The following GPC1 variants were observed in gnomAD, a reference collection of about 807,000 sequenced individuals.
GPC1 encodes the protein glypican 1.
In GPC1, 26 loss-of-function variants were observed where a neutral mutation model predicts 51.5. That is an observed-to-expected ratio of 0.50 (90% CI 0.37 to 0.70). GPC1 has a LOEUF of 0.70. Ranked by LOEUF, GPC1 falls within the 30% of genes least tolerant of loss-of-function variation. The pLI is 0.00. For missense variants in GPC1, 775 were observed against 800.5 expected, an observed-to-expected ratio of 0.97 and a Z score of 0.38; for synonymous variants, 380 against 348.3, an observed-to-expected ratio of 1.09 and a Z score of -1.01.
At chr2:240,439,581 C>T (rs892940223) in intron 1 of GPC1, among the ~76,000 whole-genome samples, 3 of 152,200 alleles carry the variant, frequency 2.0e-5, no homozygotes, top group Middle Eastern at 3.2e-3. Context: ...CACTTTTGAC[C>T]GCCTGGGTGG....
At chr2:240,454,994 AG>A in intron 1 of GPC1, 1 of 219,978 alleles carries the variant, frequency 4.5e-6, no homozygotes, top group Non-Finnish European at 1.0e-5. Context: ...ACATGTCAGC[AG>A]GGGACGAGAA....
Position 240,449,598 on chromosome 2 carries a change from C to T in GPC1, c.167-9432C>T, listed in dbSNP as rs575601032. On this transcript the variant is annotated intron_variant, in intron 1 of 8. Coordinates refer to ENST00000264039, the MANE Select transcript of GPC1 (RefSeq NM_002081.3). ...TAACCATTTTCAAGAGTTCAGTTTT[C>T]AGTGGCGTTCAGTCCATTCATGCTG... 7 of 245,888 alleles carry T rather than the reference C, an allele frequency of 2.8e-5. No individual in the cohort carries two copies. The South Asian group carries it at 3.5e-4, about 12-fold the overall frequency. The allele number at this position is 245,888 out of a possible 1,614,324, so 15.2% of individuals were successfully genotyped here.
At chr2:240,466,009 T>C (rs2074258085) in intron 8 of GPC1, 49 bp from the exon 9 acceptor site, 2 of 1,200,422 alleles carry the variant, frequency 1.7e-6, no homozygotes, top group African/African-American at 3.0e-5. Context: ...GGTGCTGCAC[T>C]GGGGTCTCCT....
chr2:240,465,159 C>G lies in GPC1; in HGVS notation c.1217C>G (p.Ala406Gly). The G allele has an allele frequency of 6.2e-7, 1 of 1,612,274 alleles. No homozygotes were observed. The highest frequency in any genetic ancestry group is 8.5e-7 in the Non-Finnish European group (1 of 1,179,694). ...GGGACACTGTGCAGTGAGAAGATGG[C>G]CCTGAGCACTGCCAGTGATGACCGC... ...LPGTLCSEKMALSTASDDRCW... is the reference protein window; with the variant it reads ...LPGTLCSEKMGLSTASDDRCW... Residue 406 changes from alanine to glycine, a missense_variant, in exon 7 of 9, where the codon GCC becomes GGC. Ala to Gly is a moderately conservative substitution (Grantham distance 60, BLOSUM62 0). Transcript: ENST00000264039.
chr2:240,440,365 C>T (rs565971288), intron 1 of GPC1, among the ~76,000 whole-genome samples: 1 of 152,302 alleles, frequency 6.6e-6, no homozygotes, highest in African/African-American at 2.4e-5. Flanking sequence ...GTGAAGCGCT[C>T]CTCTTAGGGC....
rs1230341204 is a variant in GPC1 at position 240,435,706 on chromosome 2, G to C, written c.-213G>C. On this transcript the variant is annotated 5_prime_UTR_variant, in exon 1 of 9. Transcript: ENST00000264039. ...TAGCCCGCCGCGCTCTGGGCTGCCC[G>C]AGCGAGCGTTCGGACCTCGCACCCC... The C allele has an allele frequency of 4.7e-6, 1 of 213,688 alleles. No individual in the cohort carries two copies. Among genetic ancestry groups the C allele is most frequent in the Non-Finnish European group, 9.0e-6 (1 of 111,022 alleles). 13.2% of individuals were successfully genotyped at this position (213,688 alleles called of 1,614,324 possible).
intron 1 of GPC1, chr2:240,458,330 G>T (rs748004433): frequency 2.2e-5 from 6 of 274,290 alleles, no homozygotes; most frequent in Non-Finnish European, 4.5e-5. Flanking sequence ...TGGCAGTGCC[G>T]CTGTCACTGC....
chr2:240,453,005 AGCC>A (rs951479517), intron 1 of GPC1: 3 of 351,086 alleles, frequency 8.5e-6, no homozygotes, highest in Non-Finnish European at 1.7e-5. Flanking sequence ...GAGCCGCTGG[AGCC>A]GCCGCTGCGA....
intron 1 of GPC1, among the ~76,000 whole-genome samples, chr2:240,444,776 G>A (rs1039958418): frequency 6.6e-6 from 1 of 152,188 alleles, no homozygotes; most frequent in African/African-American, 2.4e-5. Context: ...CCCGTGTCTG[G>A]CGCATCCTTG....
At chr2:240,446,781 G>C (rs900509948) in intron 1 of GPC1, among the ~76,000 whole-genome samples, 4 of 152,200 alleles carry the variant, frequency 2.6e-5, no homozygotes, top group Admixed American at 6.5e-5. Flanking sequence ...CCAGAGAGGA[G>C]ACTTGGGGAG....
At chr2:240,459,575 G>A (rs1327229075) in intron 2 of GPC1, among the ~76,000 whole-genome samples, 1 of 152,196 alleles carries the variant, frequency 6.6e-6, no homozygotes, top group Non-Finnish European at 1.5e-5. Flanking sequence ...TGCCCCTGGG[G>A]ACCAGGTGGC....
In GPC1 at chr2:240,463,652, G is replaced by A. The variant is rs932837121; in HGVS notation, c.883+140G>A. On this transcript the variant is annotated intron_variant, in intron 4 of 8. Coordinates refer to ENST00000264039, the MANE Select transcript of GPC1 (RefSeq NM_002081.3). ...ATGCCCTGACCCGGGCCAGATCTGGGTGGTGCTGCAGGGTTGAGGGGCCAG... is the reference window on the plus strand; with the variant it reads ...ATGCCCTGACCCGGGCCAGATCTGGATGGTGCTGCAGGGTTGAGGGGCCAG... 2.9e-5 allele frequency: 20 copies of A among 696,550 alleles called. No individual in the cohort carries two copies. The African/African-American group carries it at 3.0e-4, about 11-fold the overall frequency. 43.1% of individuals were successfully genotyped at this position (696,550 alleles called of 1,614,324 possible).
chr2:240,436,332 C>T lies in GPC1; in HGVS notation c.166+248C>T, dbSNP rs527622006. Among the ~76,000 whole-genome samples the T allele has an allele frequency of 2.1e-4, 32 of 152,168 alleles. 1 individual carries two copies. The South Asian group carries it at 6.6e-3, about 31-fold the overall frequency. On this transcript the variant is annotated intron_variant, in intron 1 of 8. Transcript: ENST00000264039. ...CTCGGTCGTCCTCCGCCCCTCCCCGCCCCCCGCACGCCGGCTTCTTCCCTG... is the reference window on the plus strand; with the variant it reads ...CTCGGTCGTCCTCCGCCCCTCCCCGTCCCCCGCACGCCGGCTTCTTCCCTG...
At chr2:240,462,676 CCTGGGCCT>C in intron 3 of GPC1, 94 bp downstream of exon 3, 1 of 1,228,142 alleles carries the variant, frequency 8.1e-7, no homozygotes, top group Non-Finnish European at 1.1e-6. Context: ...ACCCTGTGCC[CCTGGGCCT>C]CTGGGCCAGC....
intron 1 of GPC1, chr2:240,455,936 A>G (rs12695019): frequency 0.46 from 169,683 of 372,462 alleles, 40,893 homozygotes; most frequent in Middle Eastern, 0.59. Context: ...GGCCGCCTCG[A>G]TCCAGCCTGC....
chr2:240,451,313 T>C (rs1450318787), intron 1 of GPC1: 2 of 467,354 alleles, frequency 4.3e-6, no homozygotes, highest in East Asian at 1.4e-4. Flanking sequence ...CGTCCCCTTC[T>C]GCGTTTCTAG....
chr2:240,455,989 G>T, intron 1 of GPC1: 1 of 425,514 alleles, frequency 2.4e-6, no homozygotes. Flanking sequence ...CCAGCCTGCC[G>T]GGGGCTCCCA....
At chr2:240,449,831 C>G (rs2074081133) in intron 1 of GPC1, 1 of 469,880 alleles carries the variant, frequency 2.1e-6, no homozygotes, top group Non-Finnish European at 4.4e-6. Context: ...TGGCTTCTTT[C>G]ACTCAGCGTC....
chr2:240,465,883 G>T (rs1295755274), intron 8 of GPC1, among the ~76,000 whole-genome samples, 175 bp from the exon 9 acceptor site: 18 of 152,200 alleles, frequency 1.2e-4, no homozygotes, highest in Non-Finnish European at 1.5e-5. Flanking sequence ...AAGGGAGGCA[G>T]CCCCAGGGAG....
Sources: gnomAD v4.1 joint callset for allele counts (sites outside exome capture counted in the v4.1 genomes callset) on GRCh38, gnomAD v4.1.1 for gene constraint, MANE v1.5 for transcripts, NCBI Gene and HGNC (gene_info 2026-07-23, HGNC 2026-07-21) for gene names.